RAP1GAP2: variants seen among roughly 807,000 people sequenced by gnomAD.
The protein encoded by RAP1GAP2 is rap1 GTPase-activating protein 2.
Under a neutral mutation model 95.0 loss-of-function variants are expected in RAP1GAP2, and 27 were observed. The ratio of observed to expected loss-of-function variants is 0.28; its 90% CI spans 0.21 to 0.39. The LOEUF (loss-of-function observed/expected upper bound fraction) is 0.39. Among genes scored for constraint, RAP1GAP2 ranks in the 10% least tolerant of loss-of-function variants. The pLI, the probability that RAP1GAP2 is intolerant of heterozygous loss-of-function variation, is 1.00. For missense variants in RAP1GAP2, 771 were observed against 970.0 expected (o/e 0.79, Z 2.72); for synonymous variants, 373 against 380.9 (o/e 0.98, Z 0.24).
At chr17:2,868,844 TTGTC>T (rs1301408371) in intron 2 of RAP1GAP2, among the ~76,000 whole-genome samples, 5 of 152,144 alleles carry the variant, frequency 3.3e-5, no homozygotes, top group African/African-American at 7.2e-5. Flanking sequence ...TAATTCCACT[TTGTC>T]TGTGTCTGTT....
At chr17:2,981,396 C>T in intron 10 of RAP1GAP2, 148 bp downstream of exon 10, 2 of 748,130 alleles carry the variant, frequency 2.7e-6, no homozygotes, top group Non-Finnish European at 4.3e-6. Context: ...TCCCTGCCCA[C>T]CCCTTCACAA....
chr17:2,950,053 T>TTCG (rs1336461030), intron 3 of RAP1GAP2, among the ~76,000 whole-genome samples: 3 of 84,534 alleles, frequency 3.5e-5, no homozygotes. Flanking sequence ...CTTCTTCTTC[T>TTCG]TCTTCTTCTT....
At chr17:2,895,856 C>T (rs1251083059) in intron 2 of RAP1GAP2, among the ~76,000 whole-genome samples, 1 of 152,082 alleles carries the variant, frequency 6.6e-6, no homozygotes. Flanking sequence ...GGGATTACAT[C>T]TGTGAGCCAC....
chr17:2,848,670 C>T (rs147565033), intron 2 of RAP1GAP2, among the ~76,000 whole-genome samples: 2,567 of 152,078 alleles, frequency 0.017, 54 homozygotes, highest in African/African-American at 0.058. Flanking sequence ...CCCGCCACCA[C>T]GCCTGGATGA....
chr17:2,893,102 A>G lies in RAP1GAP2; in HGVS notation c.81-12182A>G, dbSNP rs561782297. ...GAGTGTAGTAGCGTGATCTTGGCTC[A>G]CTGCAACCTCTGCCTCCCGGGTTCA... On this transcript the variant is annotated intron_variant, in intron 2 of 24. Coordinates refer to ENST00000254695, the MANE Select transcript of RAP1GAP2 (RefSeq NM_015085.5). Among the ~76,000 whole-genome samples the G allele has an allele frequency of 4.0e-5, 6 of 151,566 alleles. No individual in the cohort carries two copies. The East Asian group carries it at 1.2e-3, about 29-fold the overall frequency.
At chr17:2,929,887 T>G (rs980995977) in intron 3 of RAP1GAP2, among the ~76,000 whole-genome samples, 1 of 151,936 alleles carries the variant, frequency 6.6e-6, no homozygotes, top group Non-Finnish European at 1.5e-5. Context: ...AGATCACCAG[T>G]GCACCCACTT....
At chr17:2,936,967 TCTGTGTGCCAGGTG>T (rs1170464392) in intron 3 of RAP1GAP2, among the ~76,000 whole-genome samples, 1 of 152,242 alleles carries the variant, frequency 6.6e-6, no homozygotes, top group Non-Finnish European at 1.5e-5. Context: ...TTACTGAGCA[TCTGTGTGCCAGGTG>T]CTGGGATTAC....
In RAP1GAP2 at chr17:2,866,772, A is replaced by G. The variant is rs1323697594; in HGVS notation, c.81-38512A>G. Among the ~76,000 whole-genome samples, 1 of 149,374 alleles carries G rather than the reference A, an allele frequency of 6.7e-6. No homozygotes were observed. The highest frequency in any genetic ancestry group is 1.5e-5 in the Non-Finnish European group (1 of 67,390). On this transcript the variant is annotated intron_variant, in intron 2 of 24. Transcript: ENST00000254695. This position sits in a 1 kb window ranked among gnomAD's most constrained non-coding sequence, Gnocchi z 4.0. Reference sequence around the variant, plus strand: ...CCGCCACCAGGTCCGGCTAATTTTTATGTTTTTAGTAGAGATGGGGTTTCA... The same window carrying G: ...CCGCCACCAGGTCCGGCTAATTTTTGTGTTTTTAGTAGAGATGGGGTTTCA...
At chr17:3,009,683 G>A (rs879506047) in intron 17 of RAP1GAP2, among the ~76,000 whole-genome samples, 1 of 152,216 alleles carries the variant, frequency 6.6e-6, no homozygotes, top group Non-Finnish European at 1.5e-5. Flanking sequence ...GCCTCTTGGG[G>A]TTGGGAAAAG....
intron 2 of RAP1GAP2, among the ~76,000 whole-genome samples, chr17:2,874,780 G>T (rs7219575): frequency 4.6e-5 from 7 of 152,138 alleles, no homozygotes; most frequent in African/African-American, 1.4e-4. Context: ...CTGTATAGCA[G>T]AAGTTCTTGA....
At chr17:2,923,630 G>A (rs913782094) in intron 3 of RAP1GAP2, among the ~76,000 whole-genome samples, 1 of 150,844 alleles carries the variant, frequency 6.6e-6, no homozygotes, top group Admixed American at 6.7e-5. Context: ...CAATGTGCCC[G>A]GCTGTTTTCT....
In RAP1GAP2 at chr17:3,030,911, C is replaced by A; in HGVS notation, c.2108-11C>A. The A allele has an allele frequency of 1.9e-6, 3 of 1,601,438 alleles. No individual in the cohort carries two copies. Among genetic ancestry groups the A allele is most frequent in the Non-Finnish European group, 2.6e-6 (3 of 1,173,448 alleles). ...GCTCCACCCTCCTTTCATGGCCGTT[C>A]TTTTTCTTAGATGCCAAAAGCAGAA... is the stretch of plus-strand genomic sequence containing the variant. On this transcript the variant is annotated splice_polypyrimidine_tract_variant and intron_variant, in intron 22 of 24. Coordinates refer to ENST00000254695, the MANE Select transcript of RAP1GAP2 (RefSeq NM_015085.5).
intron 2 of RAP1GAP2, among the ~76,000 whole-genome samples, chr17:2,848,880 C>G (rs2071701791): frequency 6.6e-6 from 1 of 152,180 alleles, no homozygotes; most frequent in Non-Finnish European, 1.5e-5. Context: ...TTCCCTTCCC[C>G]CGACGCCTTC....
intron 2 of RAP1GAP2, among the ~76,000 whole-genome samples, chr17:2,869,794 C>T (rs1203304249): frequency 6.6e-6 from 1 of 152,238 alleles, no homozygotes; most frequent in Non-Finnish European, 1.5e-5. Context: ...CCCTTTCCTG[C>T]AGTCTTGGGC....
chr17:2,782,632 C>T (rs997716616), intron 1 of RAP1GAP2, among the ~76,000 whole-genome samples: 2 of 152,168 alleles, frequency 1.3e-5, no homozygotes, highest in Non-Finnish European at 2.9e-5. Flanking sequence ...CTGCACCAGG[C>T]CCTGGACTAC....
Position 2,870,096 on chromosome 17 carries a change from A to C in RAP1GAP2, c.81-35188A>C, listed in dbSNP as rs754150309. ...GGCCTCAGAACCTTCCTCAGAGTGC[A>C]CTCTGTGCTGCTGCTTGACAATCTT... On this transcript the variant is annotated intron_variant, in intron 2 of 24. Coordinates refer to ENST00000254695, the MANE Select transcript of RAP1GAP2 (RefSeq NM_015085.5). The surrounding 1 kb of genome is among the most constrained non-coding windows in gnomAD (Gnocchi z 4.4). Among the ~76,000 whole-genome samples the C allele has an allele frequency of 1.4e-4, 21 of 147,252 alleles. No individual in the cohort carries two copies. Among genetic ancestry groups the C allele is most frequent in the Admixed American group, 4.1e-4 (6 of 14,728 alleles).
intron 3 of RAP1GAP2, among the ~76,000 whole-genome samples, chr17:2,950,957 T>G (rs1299947436): frequency 1.3e-5 from 2 of 152,102 alleles, no homozygotes; most frequent in African/African-American, 4.8e-5. Context: ...TGAAGAGAGG[T>G]TAACATGCCT....
intron 2 of RAP1GAP2, among the ~76,000 whole-genome samples, chr17:2,889,249 T>C (rs1011181170): frequency 6.6e-6 from 1 of 152,194 alleles, no homozygotes; most frequent in African/African-American, 2.4e-5. Context: ...AAAGCACTGA[T>C]GAACCAAATT....
At chr17:2,856,957 G>A (rs192668122) in intron 2 of RAP1GAP2, among the ~76,000 whole-genome samples, 33 of 152,330 alleles carry the variant, frequency 2.2e-4, no homozygotes, top group Middle Eastern at 3.4e-3. Flanking sequence ...CTCTTTAAGC[G>A]TCTGAAATGA....
Sources: allele counts gnomAD v4.1 joint callset (sites outside exome capture counted in the v4.1 genomes callset), GRCh38; gene constraint gnomAD v4.1.1; non-coding constraint Gnocchi (gnomAD v3.1); transcripts MANE v1.5; gene names NCBI Gene and HGNC (gene_info 2026-07-23, HGNC 2026-07-21).